The following RERE variants were observed in gnomAD, a reference collection of about 807,000 sequenced individuals.
The protein encoded by RERE is arginine-glutamic acid dipeptide repeats.
In RERE, 40 loss-of-function variants were observed where a neutral mutation model predicts 146.1. That is an observed-to-expected ratio of 0.27 (90% CI 0.21 to 0.36). The LOEUF (loss-of-function observed/expected upper bound fraction) is 0.36, where lower values mean the gene tolerates loss of function less well. Among genes scored for constraint, RERE ranks in the 10% least tolerant of loss-of-function variants. The pLI is 1.00. For synonymous variants in RERE, 1,003 were observed against 866.0 expected (o/e 1.16, Z -2.78); for missense variants, 1,933 against 2,138.7 (o/e 0.90, Z 1.90).
chr1:8,412,996 T>C (rs1290739155), intron 12 of RERE, among the ~76,000 whole-genome samples: 3 of 152,186 alleles, frequency 2.0e-5, no homozygotes, highest in Non-Finnish European at 4.4e-5. Flanking sequence ...TTGCTCACAC[T>C]GAAGAGCAAA....
intron 4 of RERE, among the ~76,000 whole-genome samples, chr1:8,570,062 G>A (rs1008497095): frequency 6.6e-6 from 1 of 152,072 alleles, no homozygotes; most frequent in African/African-American, 2.4e-5. Flanking sequence ...TTTCTGGCTG[G>A]GTGCGGTGGC....
chr1:8,372,507 C>CGTGTGTGTGTGTGTGTGTGTGT (rs6143111), intron 12 of RERE, among the ~76,000 whole-genome samples: 2,353 of 131,730 alleles, frequency 0.018, 81 homozygotes, highest in East Asian at 0.069. Context: ...ACCATCAGGT[C>CGTGTGTGTGTGTGTGTGTGTGT]GTGTGTGTGT....
intron 11 of RERE, among the ~76,000 whole-genome samples, chr1:8,440,824 G>A (rs1285298993): frequency 6.6e-6 from 1 of 151,530 alleles, no homozygotes; most frequent in Non-Finnish European, 1.5e-5. Flanking sequence ...TTGAACCCAG[G>A]AGGCGGAAGT....
At chr1:8,674,749 C>T (rs1356383814) in intron 1 of RERE, among the ~76,000 whole-genome samples, 1 of 152,198 alleles carries the variant, frequency 6.6e-6, no homozygotes, top group Non-Finnish European at 1.5e-5. Context: ...ATTTTACATA[C>T]TCATACTTCA....
chr1:8,526,289 T>C (rs932741902), intron 7 of RERE, among the ~76,000 whole-genome samples: 1 of 97,192 alleles, frequency 1.0e-5, no homozygotes, highest in Non-Finnish European at 2.1e-5. Flanking sequence ...ACAGCAAGTT[T>C]TGTCTTTTTT....
intron 8 of RERE, among the ~76,000 whole-genome samples, chr1:8,501,566 G>T (rs931087100): frequency 7.8e-6 from 1 of 127,632 alleles, no homozygotes; most frequent in African/African-American, 3.0e-5. Context: ...GCCCCTACCG[G>T]GAAGTGAGGA....
At chr1:8,797,186 C>G (rs12142911) in intron 1 of RERE, among the ~76,000 whole-genome samples, 31,831 of 151,930 alleles carry the variant, frequency 0.21, 3,815 homozygotes, top group Middle Eastern at 0.27. Context: ...CCAGCCTGGG[C>G]AACACAGGGA....
chr1:8,682,647 CAATAAA>C (rs1638997417), intron 1 of RERE, among the ~76,000 whole-genome samples: 1 of 152,106 alleles, frequency 6.6e-6, no homozygotes, highest in Non-Finnish European at 1.5e-5. Context: ...GTTACCTACA[CAATAAA>C]AATAACTATA....
At chr1:8,626,494 C>T (rs1646974913) in intron 2 of RERE, among the ~76,000 whole-genome samples, 1 of 152,152 alleles carries the variant, frequency 6.6e-6, no homozygotes. Context: ...TGCCTAAATC[C>T]AACCCAAAGG....
intron 12 of RERE, among the ~76,000 whole-genome samples, chr1:8,389,339 G>A (rs1557605204): frequency 6.6e-6 from 1 of 152,114 alleles, no homozygotes; most frequent in East Asian, 1.9e-4. Flanking sequence ...TACACGGGAG[G>A]TACTAAAACC....
chr1:8,359,054 C>CT, intron 19 of RERE, 138 bp from the exon 20 acceptor site: 1 of 1,107,678 alleles, frequency 9.0e-7, no homozygotes, highest in South Asian at 1.9e-5. Context: ...AGACCCGGCC[C>CT]TGCCTTGGCC....
intron 10 of RERE, among the ~76,000 whole-genome samples, chr1:8,487,768 C>T (rs191515397): frequency 7.9e-5 from 12 of 152,158 alleles, no homozygotes; most frequent in East Asian, 1.9e-4. Context: ...TATTTGCACA[C>T]GACATGTTTA....
At chr1:8,607,143 T>A (rs542006046) in intron 4 of RERE, among the ~76,000 whole-genome samples, 96 of 152,182 alleles carry the variant, frequency 6.3e-4, no homozygotes, top group Non-Finnish European at 1.3e-3. Flanking sequence ...GGTGAATTCT[T>A]TGAGCCCAAG....
chr1:8,593,602 T>G (rs567657046), intron 4 of RERE, among the ~76,000 whole-genome samples: 41 of 152,362 alleles, frequency 2.7e-4, no homozygotes, highest in Non-Finnish European at 4.6e-4. Flanking sequence ...AGGTATGGCT[T>G]TATTAGCAGC....
At chr1:8,511,662 G>A (rs531580540) in intron 7 of RERE, 7 of 152,322 alleles carry the variant, frequency 4.6e-5, no homozygotes, top group African/African-American at 1.7e-4. Context: ...AAGTACACAT[G>A]GTGGGGAAGT....
rs1387681509 is a variant in RERE at position 8,437,144 on chromosome 1, C to T, written c.1204-14337G>A. On this transcript the variant is annotated intron_variant, in intron 11 of 22. Coordinates refer to ENST00000400908, the MANE Select transcript of RERE (RefSeq NM_001042681.2). Reference sequence around the variant, plus strand: ...GACCAAATGCCAAAGTTCTTAAGATCTGCCCCACTTCCCAAACAAGGGAAA... The same window carrying T: ...GACCAAATGCCAAAGTTCTTAAGATTTGCCCCACTTCCCAAACAAGGGAAA... Among the ~76,000 whole-genome samples the T allele has an allele frequency of 2.0e-5, 3 of 152,190 alleles. No homozygotes were observed. The East Asian group carries it at 5.8e-4, about 29-fold the overall frequency.
chr1:8,730,461 G>A (rs949741178), intron 1 of RERE, among the ~76,000 whole-genome samples: 3 of 152,126 alleles, frequency 2.0e-5, no homozygotes, highest in Admixed American at 6.5e-5. Context: ...TCCTACCTCA[G>A]CCTCCCAAGT....
chr1:8,718,821 C>T (rs544883140), intron 1 of RERE, among the ~76,000 whole-genome samples: 1 of 152,218 alleles, frequency 6.6e-6, no homozygotes, highest in South Asian at 2.1e-4. Context: ...ATAACAGTAC[C>T]CACTGCACAA....
At chr1:8,566,081 T>C (rs1281551267) in intron 4 of RERE, among the ~76,000 whole-genome samples, 3 of 152,246 alleles carry the variant, frequency 2.0e-5, no homozygotes, top group African/African-American at 4.8e-5. Flanking sequence ...CTTATTGCCA[T>C]TGATAAAGTA....
Sources: gnomAD v4.1 joint callset for allele counts (sites outside exome capture counted in the v4.1 genomes callset) on GRCh38, gnomAD v4.1.1 for gene constraint, MANE v1.5 for transcripts, NCBI Gene and HGNC (gene_info 2026-07-23, HGNC 2026-07-21) for gene names.